Variants in TNFAIP8 observed in about 807,000 individuals in gnomAD.
TNFAIP8 encodes the protein TNF alpha induced protein 8, also known as tumor necrosis factor alpha-induced protein 8.
A neutral mutation model predicts 13.3 loss-of-function variants in TNFAIP8; 7 were observed. The observed-to-expected ratio is 0.52, with a 90% CI of 0.30 to 0.99. The LOEUF is 0.99. Among genes scored for constraint, TNFAIP8 ranks in the 50% least tolerant of loss-of-function variants. TNFAIP8 has a pLI of 0.07. For synonymous variants in TNFAIP8, 94 were observed against 87.6 expected (o/e 1.07, Z -0.41); for missense variants, 258 against 236.9 (o/e 1.09, Z -0.58).
At chr5:119,303,663 A>T (rs1464290800) in intron 1 of TNFAIP8, among the ~76,000 whole-genome samples, 2 of 152,222 alleles carry the variant, frequency 1.3e-5, no homozygotes, top group East Asian at 3.8e-4. Context: ...AGTTGAATTC[A>T]AGTAGAAGTT....
At position 119,361,422 on chromosome 5, in the gene TNFAIP8, A is replaced by G. The variant is rs145255831; in HGVS notation, c.31+5301A>G. The stretch of plus-strand genomic sequence containing the variant: ...TAAGATTGAGTAAAGCCTGTTAGTT[A>G]AGCTGGTATTTATATGGTTTTGAAG... On this transcript the variant is annotated intron_variant, in intron 1 of 1. Coordinates refer to ENST00000504771, the MANE Select transcript of TNFAIP8 (RefSeq NM_014350.4). 2.6e-5 allele frequency among the ~76,000 whole-genome samples: 4 copies of G among 152,280 alleles called. No homozygotes were observed. In the East Asian group the frequency reaches 5.8e-4, roughly 22 times the overall value.
Position 119,392,896 on chromosome 5 carries a change from A to G in TNFAIP8, c.112A>G (p.Ile38Val), listed in dbSNP as rs1415700756. The G allele has an allele frequency of 6.3e-7, 1 of 1,588,982 alleles. No individual in the cohort carries two copies. The highest frequency in any genetic ancestry group is 8.6e-7 in the Non-Finnish European group (1 of 1,167,612). Residue 38 changes from isoleucine (I) to valine (V), a missense_variant, in exon 2 of 2, where the codon ATC becomes GTC. Transcript: ENST00000504771. ...CTTGGGTAAAATGGTGTCCAAATCC[A>G]TCGCCACCACCTTAATAGACGACAC... is the stretch of plus-strand genomic sequence containing the variant. Reference protein sequence around the residue: ...KILGKMVSKSIATTLIDDTSS... With the variant: ...KILGKMVSKSVATTLIDDTSS...
intron 1 of TNFAIP8, among the ~76,000 whole-genome samples, chr5:119,273,335 G>A (rs1183799160): frequency 1.3e-5 from 2 of 152,232 alleles, no homozygotes; most frequent in Non-Finnish European, 2.9e-5. Flanking sequence ...CTGAGCCACA[G>A]TGGAGTAGAG....
At chr5:119,356,417 A>C (rs1465578153) in intron 1 of TNFAIP8, among the ~76,000 whole-genome samples, 4 of 151,948 alleles carry the variant, frequency 2.6e-5, no homozygotes, top group Non-Finnish European at 5.9e-5. Flanking sequence ...CTTGGACTCC[A>C]AGAATGCAAA....
At chr5:119,388,565 A>G (rs1192825183) in intron 1 of TNFAIP8, among the ~76,000 whole-genome samples, 2 of 152,236 alleles carry the variant, frequency 1.3e-5, no homozygotes, top group Non-Finnish European at 2.9e-5. Context: ...ATGTAGGCAA[A>G]TGAAGAGGAT....
intron 1 of TNFAIP8, among the ~76,000 whole-genome samples, chr5:119,367,125 CT>C (rs1332747186): frequency 6.6e-6 from 1 of 152,210 alleles, no homozygotes; most frequent in Admixed American, 6.5e-5. Flanking sequence ...TTGTTTTCCT[CT>C]TTCCCAAAGA....
intron 1 of TNFAIP8, among the ~76,000 whole-genome samples, chr5:119,329,751 A>G (rs557213629): frequency 4.6e-5 from 7 of 151,780 alleles, no homozygotes; most frequent in Non-Finnish European, 7.4e-5. Context: ...TGAGAGCACC[A>G]TGCACACTGT....
chr5:119,385,909 A>G lies in TNFAIP8; in HGVS notation c.32-6907A>G, dbSNP rs558115607. On this transcript the variant is annotated intron_variant, in intron 1 of 1. Transcript: ENST00000504771. Reference sequence around the variant, plus strand: ...AAACACATCTATGTGGTCCATGTCCATTTATCTCTGGAACAACTCCAAAAA... The same window carrying G: ...AAACACATCTATGTGGTCCATGTCCGTTTATCTCTGGAACAACTCCAAAAA... 3.3e-5 allele frequency among the ~76,000 whole-genome samples: 5 copies of G among 152,350 alleles called. No individual in the cohort carries two copies. The South Asian group carries it at 8.3e-4, about 25-fold the overall frequency.
chr5:119,312,142 TG>T (rs985939653), intron 1 of TNFAIP8, among the ~76,000 whole-genome samples: 2 of 152,176 alleles, frequency 1.3e-5, no homozygotes, highest in African/African-American at 2.4e-5. Context: ...TTTAAAACTT[TG>T]GGAAAAAAAA....
intron 1 of TNFAIP8, among the ~76,000 whole-genome samples, chr5:119,295,571 C>T (rs1749149625): frequency 1.3e-5 from 2 of 152,090 alleles, no homozygotes; most frequent in African/African-American, 2.4e-5. Context: ...CGTGATGTCT[C>T]CAGCTTTGTT....
At chr5:119,311,896 T>A (rs2112672182) in intron 1 of TNFAIP8, among the ~76,000 whole-genome samples, 1 of 152,208 alleles carries the variant, frequency 6.6e-6, no homozygotes, top group East Asian at 1.9e-4. Context: ...CTGTGGTGCT[T>A]AACAGCCTAA....
At chr5:119,319,889 T>C (rs1750004159) in intron 1 of TNFAIP8, among the ~76,000 whole-genome samples, 1 of 152,160 alleles carries the variant, frequency 6.6e-6, no homozygotes, top group South Asian at 2.1e-4. Context: ...TTTCGTTTGT[T>C]TGAAAGATGT....
Position 119,399,399 on chromosome 5 carries a change from G to A in TNFAIP8, c.*6018G>A, listed in dbSNP as rs1282752808. ...TTAAAGATACAATTTTTAAAGACAT[G>A]GAAGGCTCTGAGACCTCCTGAAGGC... On this transcript the variant is annotated 3_prime_UTR_variant, in exon 2 of 2. Transcript: ENST00000504771. 6.6e-6 allele frequency: 1 copy of A among 152,192 alleles called. No individual in the cohort carries two copies. The highest frequency in any genetic ancestry group is 1.5e-5 in the Non-Finnish European group (1 of 68,054). The allele number at this position is 152,192 out of a possible 1,614,324, so 9.4% of individuals were successfully genotyped here. A position where few individuals can be genotyped will look rare whatever the true frequency, so the allele number is the denominator to read the frequency against.
intron 1 of TNFAIP8, among the ~76,000 whole-genome samples, chr5:119,363,605 A>C (rs1268399507): frequency 6.6e-6 from 1 of 152,248 alleles, no homozygotes. Context: ...AATTTAATTC[A>C]TCTTAAAAAG....
chr5:119,271,733 T>G (rs1748298451), intron 1 of TNFAIP8, among the ~76,000 whole-genome samples: 2 of 152,204 alleles, frequency 1.3e-5, no homozygotes, highest in Non-Finnish European at 2.9e-5. Context: ...CTCAGGGATC[T>G]CTGGCTCTGA....
chr5:119,280,298 C>T (rs1748587888), intron 1 of TNFAIP8, among the ~76,000 whole-genome samples: 1 of 151,376 alleles, frequency 6.6e-6, no homozygotes, highest in African/African-American at 2.4e-5. Flanking sequence ...CCCAAATGAG[C>T]AGCCTGACCC....
chr5:119,327,934 A>G (rs1282146753), intron 1 of TNFAIP8, among the ~76,000 whole-genome samples: 3 of 152,120 alleles, frequency 2.0e-5, no homozygotes, highest in Admixed American at 6.5e-5. Context: ...ATTATAATAC[A>G]TGAGCTTAAG....
chr5:119,371,010 A>G (rs552840965), intron 1 of TNFAIP8, among the ~76,000 whole-genome samples: 94 of 152,356 alleles, frequency 6.2e-4, no homozygotes, highest in African/African-American at 2.2e-3. Context: ...AAATTACTTC[A>G]TAGATGCTAG....
At chr5:119,371,747 G>A (rs1009791675) in intron 1 of TNFAIP8, among the ~76,000 whole-genome samples, 5 of 152,150 alleles carry the variant, frequency 3.3e-5, no homozygotes, top group Non-Finnish European at 7.3e-5. Flanking sequence ...AGAAATCAGC[G>A]AGGCGTGGTG....
Sources: allele counts gnomAD v4.1 joint callset (sites outside exome capture counted in the v4.1 genomes callset), GRCh38; gene constraint gnomAD v4.1.1; transcripts MANE v1.5; gene names NCBI Gene and HGNC (gene_info 2026-07-23, HGNC 2026-07-21).